Variants in XKR9 observed in about 807,000 individuals in gnomAD.
XKR9 encodes XK-related protein 9.
A neutral mutation model predicts 32.0 loss-of-function variants in XKR9; 32 were observed. The ratio of observed to expected loss-of-function variants is 1.00; its 90% CI spans 0.76 to 1.34. The LOEUF (loss-of-function observed/expected upper bound fraction) is 1.34. Among genes scored for constraint, XKR9 ranks in the 40% most tolerant of loss-of-function variants. The pLI is 0.00. For synonymous variants in XKR9, 168 were observed against 143.4 expected (o/e 1.17, Z -1.22); for missense variants, 546 against 429.7 (o/e 1.27, Z -2.39).
At chr8:70,924,176 C>G in the XKR9 span, among the ~76,000 whole-genome samples, 219 of 152,274 alleles carry the variant, frequency 1.4e-3, no homozygotes, top group Non-Finnish European at 1.1e-3. Context: ...CACTTATTCT[C>G]CCTCAGAAAT....
the XKR9 span, among the ~76,000 whole-genome samples, chr8:70,940,175 C>G: frequency 1.9e-4 from 29 of 152,150 alleles, no homozygotes; most frequent in African/African-American, 6.5e-4. Context: ...CCTCCTTACC[C>G]CCACTTCTGT....
At chr8:70,826,080 A>G in the XKR9 span, among the ~76,000 whole-genome samples, 1 of 152,214 alleles carries the variant, frequency 6.6e-6, no homozygotes, top group East Asian at 1.9e-4. Context: ...CCATGTTGAT[A>G]AAAGTGAGGT....
At chr8:70,890,585 GT>G in the XKR9 span, among the ~76,000 whole-genome samples, 7 of 151,892 alleles carry the variant, frequency 4.6e-5, no homozygotes, top group Non-Finnish European at 7.4e-5. Flanking sequence ...CCTTCATTTT[GT>G]TGATAGGAAG....
chr8:70,861,711 A>T, the XKR9 span, among the ~76,000 whole-genome samples: 6 of 152,126 alleles, frequency 3.9e-5, no homozygotes, highest in Admixed American at 2.6e-4. Flanking sequence ...GTAAGTTAAT[A>T]TATGTAAAAA....
At chr8:71,047,240 A>G in the XKR9 span, among the ~76,000 whole-genome samples, 1 of 152,322 alleles carries the variant, frequency 6.6e-6, no homozygotes, top group South Asian at 2.1e-4. Flanking sequence ...ACAGCTAAAG[A>G]TTCTAGTGTC....
At chr8:70,752,870 A>G (rs12682319) in intron 2 of XKR9, among the ~76,000 whole-genome samples, 1 of 151,918 alleles carries the variant, frequency 6.6e-6, no homozygotes, top group Non-Finnish European at 1.5e-5. Context: ...GAAAAGCAAG[A>G]GCAAACACAT....
At chr8:70,976,998 A>T in the XKR9 span, among the ~76,000 whole-genome samples, 2 of 151,864 alleles carry the variant, frequency 1.3e-5, no homozygotes, top group Non-Finnish European at 2.9e-5. Context: ...TTTCTAGTTT[A>T]TTTTCATAGA....
At chr8:70,803,662 T>G in the XKR9 span, among the ~76,000 whole-genome samples, 24 of 152,228 alleles carry the variant, frequency 1.6e-4, no homozygotes, top group Non-Finnish European at 1.5e-4. Context: ...TAAAGTGGCC[T>G]CAGTCAACTG....
At chr8:70,813,105 A>G in the XKR9 span, among the ~76,000 whole-genome samples, 3 of 152,176 alleles carry the variant, frequency 2.0e-5, no homozygotes, top group African/African-American at 4.8e-5. Flanking sequence ...ATATAGATCA[A>G]TGGAACAGAA....
chr8:70,880,779 T>C, the XKR9 span, among the ~76,000 whole-genome samples: 1 of 152,202 alleles, frequency 6.6e-6, no homozygotes, highest in South Asian at 2.1e-4. Flanking sequence ...TACCTTAAAG[T>C]TCATATGGAA....
chr8:70,799,426 G>A, the XKR9 span, among the ~76,000 whole-genome samples: 11 of 152,270 alleles, frequency 7.2e-5, no homozygotes, highest in African/African-American at 2.4e-4. Context: ...CACCACTGGG[G>A]CTCAAGTGAT....
At chr8:71,011,142 G>A in the XKR9 span, among the ~76,000 whole-genome samples, 1 of 152,128 alleles carries the variant, frequency 6.6e-6, no homozygotes, top group Non-Finnish European at 1.5e-5. Flanking sequence ...TTCTGGCAGT[G>A]GAAAGCCCCC....
chr8:71,051,591 A>T, the XKR9 span, among the ~76,000 whole-genome samples: 10 of 151,964 alleles, frequency 6.6e-5, no homozygotes, highest in Non-Finnish European at 1.2e-4. Flanking sequence ...AATTTGGCCC[A>T]TATGGTTTAT....
chr8:70,983,971 A>G, the XKR9 span, among the ~76,000 whole-genome samples: 2 of 152,220 alleles, frequency 1.3e-5, no homozygotes, highest in African/African-American at 4.8e-5. Context: ...TCATGATGGA[A>G]ACAAAATAAT....
intron 2 of XKR9, among the ~76,000 whole-genome samples, chr8:70,762,858 C>G (rs1807326170): frequency 6.6e-6 from 1 of 152,086 alleles, no homozygotes; most frequent in Non-Finnish European, 1.5e-5. Context: ...CTGTAAAACT[C>G]AATGAGCTTT....
At chr8:70,768,898 TC>T (rs1807414842) in intron 2 of XKR9, among the ~76,000 whole-genome samples, 1 of 152,222 alleles carries the variant, frequency 6.6e-6, no homozygotes, top group African/African-American at 2.4e-5. Context: ...CCAGTCTGTG[TC>T]TTTTAATTGG....
the XKR9 span, among the ~76,000 whole-genome samples, chr8:70,912,877 C>T: frequency 6.6e-6 from 1 of 152,106 alleles, no homozygotes; most frequent in Non-Finnish European, 1.5e-5. Context: ...ACTACATCTT[C>T]TGAAATAACA....
chr8:70,976,726 G>A, the XKR9 span, among the ~76,000 whole-genome samples: 1 of 152,252 alleles, frequency 6.6e-6, no homozygotes, highest in Non-Finnish European at 1.5e-5. Context: ...GATGATGCTG[G>A]CCCCATAAAA....
At chr8:70,844,055 G>A in the XKR9 span, among the ~76,000 whole-genome samples, 1 of 152,184 alleles carries the variant, frequency 6.6e-6, no homozygotes, top group South Asian at 2.1e-4. Context: ...CACAGAATGG[G>A]CAGTGCAGCT....
Sources: allele counts gnomAD v4.1 joint callset (sites outside exome capture counted in the v4.1 genomes callset), GRCh38; gene constraint gnomAD v4.1.1; transcripts MANE v1.5; gene names NCBI Gene and HGNC (gene_info 2026-07-23, HGNC 2026-07-21).